The following KDM4B variants were observed in gnomAD, a reference collection of about 807,000 sequenced individuals.
The protein encoded by KDM4B is lysine-specific demethylase 4B.
Under a neutral mutation model 125.2 loss-of-function variants are expected in KDM4B, and 32 were observed. That is an observed-to-expected ratio of 0.26 (90% CI 0.19 to 0.34). KDM4B has a LOEUF of 0.34. Ranked by LOEUF, KDM4B falls within the 10% of genes least tolerant of loss-of-function variation. The pLI is 1.00. For synonymous variants in KDM4B, 721 were observed against 677.9 expected (o/e 1.06, Z -0.99); for missense variants, 1,190 against 1,577.7 (o/e 0.75, Z 4.16).
chr19:5,028,984 C>T (rs1025638388), intron 2 of KDM4B, among the ~76,000 whole-genome samples: 1 of 152,236 alleles, frequency 6.6e-6, no homozygotes, highest in Non-Finnish European at 1.5e-5. Flanking sequence ...AATCTTGGCT[C>T]ACTGCAACCT....
chr19:4,991,466 A>G (rs1019012767), intron 1 of KDM4B, among the ~76,000 whole-genome samples: 2 of 152,192 alleles, frequency 1.3e-5, no homozygotes, highest in Admixed American at 6.5e-5. Context: ...CAAAAATAAG[A>G]ATGAATTATA....
chr19:5,048,933 C>T (rs1277126669), intron 6 of KDM4B, among the ~76,000 whole-genome samples: 1 of 152,146 alleles, frequency 6.6e-6, no homozygotes, highest in African/African-American at 2.4e-5. Context: ...AGGTGGGGGA[C>T]CAGCCAGTGA....
rs1250027377 is a variant in KDM4B at position 5,113,998 on chromosome 19, C to G, written c.1115+3180C>G. On this transcript the variant is annotated intron_variant, in intron 10 of 22. Coordinates refer to ENST00000159111, the MANE Select transcript of KDM4B (RefSeq NM_015015.3). ...TCTTCCAGAACTAAATCTCGTTGAG[C>G]GAGCGTTGGGGGCTGTTTGTATTCT... The G allele has an allele frequency of 4.0e-6, 5 of 1,257,864 alleles. No homozygotes were observed. In the Admixed American group the frequency reaches 1.0e-4, roughly 25 times the overall value. The allele number at this position is 1,257,864 out of a possible 1,614,324, so 77.9% of individuals were successfully genotyped here.
In KDM4B at chr19:5,119,681, A is replaced by G; in HGVS notation, c.1144A>G (p.Lys382Glu). The G allele has an allele frequency of 6.4e-7, 1 of 1,556,248 alleles. No individual in the cohort carries two copies. Among genetic ancestry groups the G allele is most frequent in the Non-Finnish European group, 8.7e-7 (1 of 1,149,558 alleles). ...RSHRKRSQPK[K>E]PKPEDPKFPG... ...TCACCGGAAACGGAGCCAGCCCAAG[A>G]AGCCGAAGCCCGAAGACCCCAAGTT... Residue 382 changes from lysine (K) to glutamate (E), a missense_variant, in exon 11 of 23, where the codon AAG becomes GAG. Lys to Glu is a moderately conservative substitution (Grantham distance 56). Coordinates refer to ENST00000159111, the MANE Select transcript of KDM4B (RefSeq NM_015015.3).
At chr19:5,026,195 C>G (rs1037810825) in intron 2 of KDM4B, among the ~76,000 whole-genome samples, 3 of 151,072 alleles carry the variant, frequency 2.0e-5, no homozygotes, top group African/African-American at 7.3e-5. Flanking sequence ...TCGCTAAGCC[C>G]AGGAGTTTGC....
At chr19:5,110,447 G>C (rs560728995) in intron 9 of KDM4B, among the ~76,000 whole-genome samples, 175 bp from the exon 10 acceptor site, 8 of 152,338 alleles carry the variant, frequency 5.3e-5, no homozygotes, top group African/African-American at 1.9e-4. Flanking sequence ...ACTCCAGCCT[G>C]GGCGACAGAG....
chr19:4,997,206 C>T lies in KDM4B; in HGVS notation c.-108-19051C>T, dbSNP rs2035229219. On this transcript the variant is annotated intron_variant, in intron 1 of 22. Coordinates refer to ENST00000159111, the MANE Select transcript of KDM4B (RefSeq NM_015015.3). This position sits in a 1 kb window ranked among gnomAD's most constrained non-coding sequence, Gnocchi z 4.2. The stretch of plus-strand genomic sequence containing the variant: ...TTTCTGTACCCGGGCTATTACCACC[C>T]TATTGTGTTACCTTTTTTCTCAGTT... 6.6e-6 allele frequency among the ~76,000 whole-genome samples: 1 copy of T among 152,216 alleles called. No homozygotes were observed.
chr19:5,129,878 C>T (rs1222070180), intron 11 of KDM4B, among the ~76,000 whole-genome samples: 1 of 152,208 alleles, frequency 6.6e-6, no homozygotes, highest in Non-Finnish European at 1.5e-5. Flanking sequence ...GACAGGGCTC[C>T]AAGTTGCCGT....
chr19:5,091,903 C>T (rs971150666), intron 9 of KDM4B, among the ~76,000 whole-genome samples: 1 of 151,430 alleles, frequency 6.6e-6, no homozygotes, highest in Non-Finnish European at 1.5e-5. Flanking sequence ...CTGGACGCAT[C>T]GTGTGTGCCG....
At chr19:5,138,859 T>G (rs1381917905) in intron 18 of KDM4B, among the ~76,000 whole-genome samples, 1 of 152,184 alleles carries the variant, frequency 6.6e-6, no homozygotes, top group African/African-American at 2.4e-5. Context: ...ACTCTGCTTC[T>G]GTGTGTTTGC....
At chr19:4,989,008 G>C (rs1051880912) in intron 1 of KDM4B, among the ~76,000 whole-genome samples, 2 of 152,208 alleles carry the variant, frequency 1.3e-5, no homozygotes, top group Non-Finnish European at 2.9e-5. Context: ...CCGAGGATCT[G>C]GGGGAGTCGT....
chr19:5,118,177 C>T (rs1247621356), intron 10 of KDM4B, among the ~76,000 whole-genome samples: 1 of 152,206 alleles, frequency 6.6e-6, no homozygotes, highest in Middle Eastern at 3.2e-3. Context: ...GAGCCTGCCC[C>T]ACCTTGGTGA....
intron 1 of KDM4B, among the ~76,000 whole-genome samples, chr19:4,986,944 T>A (rs917103435): frequency 2.6e-5 from 4 of 152,098 alleles, no homozygotes; most frequent in Non-Finnish European, 2.9e-5. Context: ...TGCCTTTTTT[T>A]ATTTTTATTT....
At position 5,131,673 on chromosome 19, in the gene KDM4B, A is replaced by T. The variant is rs566560658; in HGVS notation, c.1785+128A>T. 3.7e-4 allele frequency: 89 copies of T among 239,400 alleles called. No homozygotes were observed. In the South Asian group the frequency reaches 3.8e-3, roughly 10 times the overall value. 14.8% of individuals were successfully genotyped at this position (239,400 alleles called of 1,614,324 possible). On this transcript the variant is annotated intron_variant, in intron 12 of 22. Coordinates refer to ENST00000159111, the MANE Select transcript of KDM4B (RefSeq NM_015015.3). ...CAGGGAGGAGGGGACAGGAGGGCTGACTGCTGGTTTCACAGGGAACTGTGG... is the reference window on the plus strand; with the variant it reads ...CAGGGAGGAGGGGACAGGAGGGCTGTCTGCTGGTTTCACAGGGAACTGTGG...
At chr19:5,080,454 C>T (rs1024305742) in intron 8 of KDM4B, among the ~76,000 whole-genome samples, 7 of 152,228 alleles carry the variant, frequency 4.6e-5, no homozygotes, top group African/African-American at 1.4e-4. Flanking sequence ...GCTGCAGGAA[C>T]GAAAGCCATG....
intron 1 of KDM4B, among the ~76,000 whole-genome samples, chr19:4,977,148 G>T (rs899016436): frequency 6.6e-6 from 1 of 151,716 alleles, no homozygotes; most frequent in Non-Finnish European, 1.5e-5. Flanking sequence ...CAGCAAACAC[G>T]AGGGGATGGA....
chr19:5,129,457 G>A (rs2039506275), intron 11 of KDM4B, among the ~76,000 whole-genome samples: 1 of 152,216 alleles, frequency 6.6e-6, no homozygotes. Context: ...GGGTTTTATA[G>A]CAAGTGGTGA....
chr19:5,111,506 C>T (rs771880506), intron 10 of KDM4B: 4 of 765,194 alleles, frequency 5.2e-6, no homozygotes, highest in South Asian at 2.7e-5. Flanking sequence ...GAGGCAGGTC[C>T]CGGCCTAGGA....
At chr19:5,085,785 G>A (rs577501509) in intron 9 of KDM4B, among the ~76,000 whole-genome samples, 155 of 152,262 alleles carry the variant, frequency 1.0e-3, no homozygotes, top group African/African-American at 3.6e-3. Flanking sequence ...TGTGGCCGTC[G>A]GGGGGGTCGG....
Sources: gnomAD v4.1 joint callset for allele counts (sites outside exome capture counted in the v4.1 genomes callset) on GRCh38, gnomAD v4.1.1 for gene constraint, Gnocchi (gnomAD v3.1) non-coding constraint, MANE v1.5 for transcripts, NCBI Gene and HGNC (gene_info 2026-07-23, HGNC 2026-07-21) for gene names.